The following PARD3B variants were observed in gnomAD, a reference collection of about 807,000 sequenced individuals.
PARD3B encodes the protein partitioning defective 3 homolog B.
Under a neutral mutation model 130.2 loss-of-function variants are expected in PARD3B, and 103 were observed. The observed-to-expected ratio is 0.79, with a 90% confidence interval of 0.67 to 0.93. PARD3B has a LOEUF of 0.93. PARD3B is among the 40% of genes least tolerant of loss of function. The pLI is 0.00. For missense variants in PARD3B, 1,609 were observed against 1,499.2 expected (o/e 1.07, Z -1.21); for synonymous variants, 583 against 553.2 (o/e 1.05, Z -0.76).
intron 3 of PARD3B, among the ~76,000 whole-genome samples, chr2:204,985,837 A>T (rs760432447): frequency 1.3e-5 from 2 of 152,178 alleles, no homozygotes; most frequent in Non-Finnish European, 2.9e-5. Flanking sequence ...GTGGTGGCTC[A>T]CATCTGTAAT....
chr2:205,054,430 ATATATATTTTTTTTTTT>A (rs1463243346), intron 4 of PARD3B, among the ~76,000 whole-genome samples: 2 of 37,696 alleles, frequency 5.3e-5, no homozygotes, highest in African/African-American at 2.5e-4. Flanking sequence ...ATATATATAT[ATATATATTTTTTTTTTT>A]TTTTTTTTTT....
chr2:204,824,044 A>G (rs1463560029), intron 2 of PARD3B, among the ~76,000 whole-genome samples: 1 of 152,162 alleles, frequency 6.6e-6, no homozygotes, highest in African/African-American at 2.4e-5. Context: ...GGAGTTCTGA[A>G]GATAAAGCAC....
chr2:205,252,719 C>A (rs1428641643), intron 16 of PARD3B, among the ~76,000 whole-genome samples: 1 of 151,878 alleles, frequency 6.6e-6, no homozygotes, highest in Non-Finnish European at 1.5e-5. Flanking sequence ...CATACAGACT[C>A]ACACCAAATG....
intron 2 of PARD3B, among the ~76,000 whole-genome samples, chr2:204,687,639 A>C (rs940383205): frequency 6.6e-6 from 1 of 152,180 alleles, no homozygotes; most frequent in African/African-American, 2.4e-5. Flanking sequence ...TCTCAGGGTA[A>C]ATAAAAGGGT....
At chr2:205,355,557 A>G (rs1574789632) in intron 18 of PARD3B, among the ~76,000 whole-genome samples, 1 of 152,180 alleles carries the variant, frequency 6.6e-6, no homozygotes, top group Non-Finnish European at 1.5e-5. Context: ...TGTTGCTTCA[A>G]CTGTGTAAGG....
intron 18 of PARD3B, among the ~76,000 whole-genome samples, chr2:205,307,023 G>C (rs1201773691): frequency 6.6e-6 from 1 of 152,208 alleles, no homozygotes; most frequent in African/African-American, 2.4e-5. Flanking sequence ...ATTGGGATGG[G>C]TCATGCAGTT....
intron 2 of PARD3B, among the ~76,000 whole-genome samples, chr2:204,941,529 T>G (rs1688905386): frequency 6.6e-6 from 1 of 152,206 alleles, no homozygotes; most frequent in Non-Finnish European, 1.5e-5. Flanking sequence ...CAGGATTAGA[T>G]TTATTACTGC....
chr2:205,150,255 A>ATGTGTGTGTGTG (rs1559487007), intron 10 of PARD3B, among the ~76,000 whole-genome samples: 24 of 142,336 alleles, frequency 1.7e-4, no homozygotes, highest in South Asian at 9.0e-4. Context: ...GTGTGTGTGC[A>ATGTGTGTGTGTG]CACACGCTTG....
intron 2 of PARD3B, among the ~76,000 whole-genome samples, chr2:204,697,963 C>T (rs1022563165): frequency 3.3e-5 from 5 of 152,048 alleles, no homozygotes; most frequent in East Asian, 1.9e-4. Context: ...AAATTTTCTC[C>T]GAATTTTATT....
Position 205,237,636 on chromosome 2 carries a change from A to G in PARD3B, c.2141-8142A>G, listed in dbSNP as rs575711769. On this transcript the variant is annotated intron_variant, in intron 15 of 22. Transcript: ENST00000406610. ...TATAGTGTGATTTTTCTATAAACAG[A>G]GGGAACTGGTATTTCAAGTATACTA... Among the ~76,000 whole-genome samples the G allele has an allele frequency of 1.8e-4, 28 of 152,250 alleles. 1 individual carries two copies. The highest frequency in any genetic ancestry group is 6.7e-4 in the African/African-American group (28 of 41,536).
In PARD3B at chr2:204,567,215, G is replaced by A. The variant is rs535447543; in HGVS notation, c.120+21096G>A. Among the ~76,000 whole-genome samples the A allele has an allele frequency of 3.1e-4, 47 of 151,194 alleles. No homozygotes were observed. The South Asian group carries it at 9.4e-3, about 30-fold the overall frequency. On this transcript the variant is annotated intron_variant, in intron 1 of 22. Coordinates refer to ENST00000406610, the MANE Select transcript of PARD3B (RefSeq NM_001302769.2). ...CTCTTTTATGTTGGATTTTTTTTTC[G>A]TTAAAACGTACATAACATAAAATGT...
At chr2:204,747,757 C>T (rs1007125705) in intron 2 of PARD3B, among the ~76,000 whole-genome samples, 4 of 151,624 alleles carry the variant, frequency 2.6e-5, no homozygotes, top group African/African-American at 9.7e-5. Flanking sequence ...AGAACAGAGC[C>T]CTCCAAAATG....
At chr2:205,497,795 C>T (rs1321160145) in intron 20 of PARD3B, among the ~76,000 whole-genome samples, 3 of 152,062 alleles carry the variant, frequency 2.0e-5, no homozygotes, top group Non-Finnish European at 4.4e-5. Context: ...ACATAAGTGT[C>T]ATGATTGATA....
In PARD3B at chr2:205,047,685, G is replaced by T; in HGVS notation, c.499G>T (p.Val167Phe). 1 of 1,531,764 alleles carries T rather than the reference G, an allele frequency of 6.5e-7. No individual in the cohort carries two copies. Among genetic ancestry groups the T allele is most frequent in the Middle Eastern group, 1.8e-4 (1 of 5,626 alleles). 94.9% of individuals were successfully genotyped at this position (1,531,764 alleles called of 1,614,324 possible). Residue 167 changes from valine to phenylalanine, a missense_variant, in exon 4 of 23, where the codon GTT becomes TTT. By Grantham distance (50) the Val-to-Phe change is conservative (BLOSUM62 -1). Transcript: ENST00000406610. The part of the protein sequence containing the change: ...HPGGQSLKLV[V>F]PDSTQNLEDR... ...TGGTGGCCAGAGTCTGAAACTGGTT[G>T]TTCCAGTAGGTATCCTGCTGCTTGT...
intron 19 of PARD3B, among the ~76,000 whole-genome samples, chr2:205,429,439 A>C (rs2047253899): frequency 6.6e-6 from 1 of 152,330 alleles, no homozygotes; most frequent in African/African-American, 2.4e-5. Flanking sequence ...ATGGCCTTCA[A>C]AAATGACCAT....
At chr2:205,370,087 A>G (rs2044753022) in intron 18 of PARD3B, among the ~76,000 whole-genome samples, 1 of 152,128 alleles carries the variant, frequency 6.6e-6, no homozygotes, top group Non-Finnish European at 1.5e-5. Context: ...AGACCCTTGC[A>G]AACAAGTTAG....
chr2:204,971,072 A>G (rs929170272), intron 3 of PARD3B, among the ~76,000 whole-genome samples: 33 of 152,294 alleles, frequency 2.2e-4, no homozygotes, highest in African/African-American at 7.2e-4. Context: ...CTGTGTAGCT[A>G]TAGATTCCTG....
At chr2:205,199,834 CT>C (rs1320620202) in intron 15 of PARD3B, among the ~76,000 whole-genome samples, 3 of 152,054 alleles carry the variant, frequency 2.0e-5, no homozygotes, top group Non-Finnish European at 4.4e-5. Flanking sequence ...GTGGCCGTCC[CT>C]GATCATCAGA....
At chr2:204,814,599 T>C (rs1309439804) in intron 2 of PARD3B, among the ~76,000 whole-genome samples, 1 of 151,932 alleles carries the variant, frequency 6.6e-6, no homozygotes, top group African/African-American at 2.4e-5. Flanking sequence ...TCCAGCACAA[T>C]GTGGAAGAGA....
Sources: allele counts gnomAD v4.1 joint callset (sites outside exome capture counted in the v4.1 genomes callset), GRCh38; gene constraint gnomAD v4.1.1; transcripts MANE v1.5; gene names NCBI Gene and HGNC (gene_info 2026-07-23, HGNC 2026-07-21).